TMBIM6: variants seen among roughly 807,000 people sequenced by gnomAD.
The protein encoded by TMBIM6 is bax inhibitor 1.
TMBIM6 carries 13 observed loss-of-function variants against 31.4 expected under a neutral mutation model. The observed-to-expected ratio is 0.41, with a 90% CI of 0.27 to 0.66. TMBIM6 has a LOEUF of 0.66. TMBIM6 is among the 30% of genes least tolerant of loss of function. The pLI, the probability that TMBIM6 is intolerant of heterozygous loss-of-function variation, is 0.28. For missense variants in TMBIM6, 275 were observed against 289.5 expected (o/e 0.95, Z 0.36); for synonymous variants, 85 against 101.7 (o/e 0.84, Z 0.99).
intron 1 of TMBIM6, 136 bp downstream of exon 1, chr12:49,741,747 A>G (rs1369696660): frequency 4.3e-6 from 1 of 229,990 alleles, no homozygotes; most frequent in African/African-American, 2.4e-5. Flanking sequence ...CCCTGCTCGG[A>G]GACCAGACTC....
At chr12:49,749,980 A>G (rs1358909205) in intron 1 of TMBIM6, 1 of 152,140 alleles carries the variant, frequency 6.6e-6, no homozygotes, top group Admixed American at 6.5e-5. Context: ...ATTTTGAAAT[A>G]CTGATATTGA....
At chr12:49,747,684 AT>A (rs1159462890) in intron 1 of TMBIM6, among the ~76,000 whole-genome samples, 5 of 152,174 alleles carry the variant, frequency 3.3e-5, no homozygotes, top group South Asian at 2.1e-4. Context: ...ATAAACTGAT[AT>A]TTAATTAAAT....
chr12:49,757,041 T>C (rs982866210), intron 4 of TMBIM6, among the ~76,000 whole-genome samples: 3 of 152,130 alleles, frequency 2.0e-5, no homozygotes, highest in Admixed American at 6.5e-5. Flanking sequence ...CCTAATTTTG[T>C]ATTTTAGTAG....
At position 49,759,348 on chromosome 12, in the gene TMBIM6, A is replaced by G. The variant is rs144611160; in HGVS notation, c.614+27A>G. ...TGAGTGTGGGAACTAGTCTTTAACA[A>G]GCATGAAGGTTGAGGCATACCGTTC... is the stretch of plus-strand genomic sequence containing the variant. On this transcript the variant is annotated intron_variant, in intron 8 of 9. Transcript: ENST00000267115. 3 of 1,584,510 alleles carry G rather than the reference A, an allele frequency of 1.9e-6. No homozygotes were observed. In the African/African-American group the frequency reaches 4.0e-5, roughly 21 times the overall value.
intron 1 of TMBIM6, among the ~76,000 whole-genome samples, chr12:49,747,964 C>T (rs924659280): frequency 1.3e-5 from 2 of 152,086 alleles, no homozygotes; most frequent in African/African-American, 2.4e-5. Flanking sequence ...AGGGCAATGG[C>T]GTGATCTCAG....
Position 49,753,028 on chromosome 12 carries a change from A to T in TMBIM6, c.112A>T (p.Met38Leu), listed in dbSNP as rs144540561. 1 of 1,613,926 alleles carries T rather than the reference A, an allele frequency of 6.2e-7. No individual in the cohort carries two copies. The highest frequency in any genetic ancestry group is 8.5e-7 in the Non-Finnish European group (1 of 1,179,954). Reference protein sequence around the residue: ...KKVYASFALCMFVAAAGAYVH... With the variant: ...KKVYASFALCLFVAAAGAYVH... ...GGTCTATGCAAGTTTTGCCCTTTGTATGTTTGTGGCGGCTGCAGGGGCCTA... is the reference window on the plus strand; with the variant it reads ...GGTCTATGCAAGTTTTGCCCTTTGTTTGTTTGTGGCGGCTGCAGGGGCCTA... Residue 38 changes from methionine (M) to leucine (L), a missense_variant, in exon 3 of 10, where the codon ATG becomes TTG. Transcript: ENST00000267115.
intron 1 of TMBIM6, among the ~76,000 whole-genome samples, chr12:49,749,103 C>CT (rs1331141034): frequency 6.6e-6 from 1 of 152,164 alleles, no homozygotes; most frequent in Non-Finnish European, 1.5e-5. Flanking sequence ...ATGTAGGTAT[C>CT]TTTTCTGAGC....
intron 5 of TMBIM6, 27 bp downstream of exon 5, chr12:49,758,302 GC>G: frequency 6.2e-7 from 1 of 1,614,084 alleles, no homozygotes; most frequent in Non-Finnish European, 8.5e-7. Context: ...TGTCTTATGT[GC>G]TTTTATCTTT....
At chr12:49,754,222 A>G (rs778062240) in intron 3 of TMBIM6, among the ~76,000 whole-genome samples, 3 of 152,140 alleles carry the variant, frequency 2.0e-5, no homozygotes, top group Non-Finnish European at 4.4e-5. Flanking sequence ...CCTGGGCTCA[A>G]TTGATCCTCG....
chr12:49,755,721 A>G lies in TMBIM6; in HGVS notation c.252A>G (p.Arg84=). 2 of 1,614,086 alleles carry G rather than the reference A, an allele frequency of 1.2e-6. No homozygotes were observed. The highest frequency in any genetic ancestry group is 2.2e-5 in the South Asian group (2 of 91,074). ...ATAGCCATGAAACTGAACAGAAAAGACTGGGACTTCTTGCTGGATTTGCAT... is the reference window on the plus strand; with the variant it reads ...ATAGCCATGAAACTGAACAGAAAAGGCTGGGACTTCTTGCTGGATTTGCAT... ...TPHSHETEQK[R]LGLLAGFAFL... is the part of the protein sequence containing the mutation. Residue 84 remains arginine, a synonymous_variant, in exon 4 of 10, where the codon AGA becomes AGG. Transcript: ENST00000267115.
intron 9 of TMBIM6, 125 bp downstream of exon 9, chr12:49,761,904 A>G (rs1223769923): frequency 7.9e-6 from 7 of 888,464 alleles, no homozygotes; most frequent in Non-Finnish European, 1.2e-5. Flanking sequence ...AAGGCAGGCC[A>G]CTGAGTAAGA....
chr12:49,758,418 T>C lies in TMBIM6; in HGVS notation c.371T>C (p.Ile124Thr). The stretch of plus-strand genomic sequence containing the variant: ...ACTGCTTTCATGGGCACGGCAATGA[T>C]CTTTACCTGCTTCACCCTCAGTGCA... ...LPTAFMGTAM[I>T]FTCFTLSALY... Residue 124 changes from isoleucine (I) to threonine (T), a missense_variant, in exon 6 of 10, where the codon ATC becomes ACC. Coordinates refer to ENST00000267115, the MANE Select transcript of TMBIM6 (RefSeq NM_003217.3). The C allele has an allele frequency of 1.2e-6, 2 of 1,614,228 alleles. No homozygotes were observed. Among genetic ancestry groups the C allele is most frequent in the Non-Finnish European group, 1.7e-6 (2 of 1,180,046 alleles).
chr12:49,749,344 GCTC>G (rs1945452031), intron 1 of TMBIM6, among the ~76,000 whole-genome samples: 1 of 152,130 alleles, frequency 6.6e-6, no homozygotes, highest in Admixed American at 6.5e-5. Flanking sequence ...GTATACAGAT[GCTC>G]CTCAAGACGG....
At chr12:49,758,158 C>T (rs775081977) in intron 4 of TMBIM6, 69 bp from the exon 5 acceptor site, 23 of 1,573,178 alleles carry the variant, frequency 1.5e-5, no homozygotes, top group Non-Finnish European at 1.9e-5. Context: ...ATTTCGGGAT[C>T]AGCTTTTGGA....
intron 9 of TMBIM6, 198 bp downstream of exon 9, chr12:49,761,977 C>A: frequency 1.8e-6 from 1 of 546,622 alleles, no homozygotes; most frequent in South Asian, 2.6e-5. Flanking sequence ...ATTTTTTTAA[C>A]TAATTCCTGC....
chr12:49,763,161 G>A lies in TMBIM6; in HGVS notation c.*265G>A. 8.7e-6 allele frequency: 3 copies of A among 344,132 alleles called. No homozygotes were observed. The highest frequency in any genetic ancestry group is 1.6e-5 in the Non-Finnish European group (3 of 184,388). The allele number at this position is 344,132 out of a possible 1,614,324, so 21.3% of individuals were successfully genotyped here. A position where few individuals can be genotyped will look rare whatever the true frequency, so the allele number is the denominator to read the frequency against. On this transcript the variant is annotated 3_prime_UTR_variant, in exon 10 of 10. Coordinates refer to ENST00000267115, the MANE Select transcript of TMBIM6 (RefSeq NM_003217.3). ...AGCCTCTTCCTCTACTCAGGCAGTC[G>A]ACCCGCCACGATGAGAAGTGGGACC...
At chr12:49,747,349 A>C (rs773103783) in intron 1 of TMBIM6, among the ~76,000 whole-genome samples, 9 of 151,710 alleles carry the variant, frequency 5.9e-5, no homozygotes, top group Non-Finnish European at 1.0e-4. Context: ...TTGCTCTGTT[A>C]CCAGGCTGGA....
intron 4 of TMBIM6, among the ~76,000 whole-genome samples, chr12:49,756,231 G>T (rs541330581): frequency 4.6e-5 from 7 of 152,158 alleles, no homozygotes; most frequent in Admixed American, 3.9e-4. Context: ...TGCCTTCCGG[G>T]TTCAAGCGAT....
At chr12:49,742,197 G>C (rs1329346750) in intron 1 of TMBIM6, 3 of 1,613,302 alleles carry the variant, frequency 1.9e-6, no homozygotes, top group Non-Finnish European at 2.5e-6. Context: ...GCAGAGGCGG[G>C]AAGTGAGAGG....
Sources: allele counts gnomAD v4.1 joint callset (sites outside exome capture counted in the v4.1 genomes callset), GRCh38; gene constraint gnomAD v4.1.1; transcripts MANE v1.5; gene names NCBI Gene and HGNC (gene_info 2026-07-23, HGNC 2026-07-21).